KMT5B: variants seen among roughly 807,000 people sequenced by gnomAD.
KMT5B encodes lysine methyltransferase 5B, also known as histone-lysine N-methyltransferase KMT5B.
Under a neutral mutation model 83.2 loss-of-function variants are expected in KMT5B, and 10 were observed. The ratio of observed to expected loss-of-function variants is 0.12; its 90% CI spans 0.07 to 0.20. The LOEUF (loss-of-function observed/expected upper bound fraction) is 0.20. Among genes scored for constraint, KMT5B ranks in the 10% least tolerant of loss-of-function variants. The pLI, the probability that KMT5B is intolerant of heterozygous loss-of-function variation, is 1.00. For synonymous variants in KMT5B, 349 were observed against 388.8 expected (o/e 0.90, Z 1.20); for missense variants, 753 against 1,067.2 (o/e 0.71, Z 4.10).
intron 1 of KMT5B, among the ~76,000 whole-genome samples, chr11:68,194,703 C>T (rs1279649537): frequency 6.6e-6 from 1 of 152,178 alleles, no homozygotes; most frequent in East Asian, 1.9e-4. Flanking sequence ...CTTCAATTTC[C>T]TTGACCCCTA....
intron 1 of KMT5B, among the ~76,000 whole-genome samples, chr11:68,196,637 G>A (rs1340237409): frequency 6.6e-6 from 1 of 151,554 alleles, no homozygotes; most frequent in Non-Finnish European, 1.5e-5. Context: ...TGTGTAAGGG[G>A]GTGAGAGAAG....
chr11:68,170,324 A>G (rs1251940925), intron 9 of KMT5B, among the ~76,000 whole-genome samples: 1 of 152,198 alleles, frequency 6.6e-6, no homozygotes, highest in Non-Finnish European at 1.5e-5. Context: ...TGCCTGGCAC[A>G]GTGCAAGATG....
intron 1 of KMT5B, among the ~76,000 whole-genome samples, chr11:68,201,021 T>C (rs1859373384): frequency 6.6e-6 from 1 of 151,566 alleles, no homozygotes; most frequent in Non-Finnish European, 1.5e-5. Flanking sequence ...AGGTGGGGGG[T>C]GAGGGGACAA....
rs116927326 is a variant in KMT5B, at chr11:68,191,734, A to C, written c.-76-1582T>G. On this transcript the variant is annotated intron_variant, in intron 1 of 10. Coordinates refer to ENST00000304363, the MANE Select transcript of KMT5B (RefSeq NM_017635.5). ...AGAAAAAAAAACTTTATAAAGTAAAACAGTTACAAGCTAAGGTTAATTATT... is the reference window on the plus strand; with the variant it reads ...AGAAAAAAAAACTTTATAAAGTAAACCAGTTACAAGCTAAGGTTAATTATT... 1.7e-3 allele frequency among the ~76,000 whole-genome samples: 254 copies of C among 152,316 alleles called. 3 individuals are homozygous for C. The highest frequency in any genetic ancestry group is 2.7e-3 in the Non-Finnish European group (184 of 68,020).
intron 1 of KMT5B, among the ~76,000 whole-genome samples, chr11:68,201,905 C>A (rs1859483750): frequency 6.7e-6 from 1 of 149,908 alleles, no homozygotes; most frequent in Non-Finnish European, 1.5e-5. Flanking sequence ...CATGGTCAGA[C>A]CCCAGTCTCT....
chr11:68,189,761 A>G (rs1857838375), intron 2 of KMT5B, 156 bp downstream of exon 2: 1 of 606,598 alleles, frequency 1.6e-6, no homozygotes, highest in Non-Finnish European at 2.7e-6. Context: ...GAGAATAAAA[A>G]TTGACACAAC....
intron 3 of KMT5B, among the ~76,000 whole-genome samples, chr11:68,185,298 C>T (rs1591003947): frequency 6.6e-6 from 1 of 152,116 alleles, no homozygotes. Flanking sequence ...CTCCGCCTCC[C>T]GGGTTCAAGT....
chr11:68,201,561 C>CA lies in KMT5B; in HGVS notation c.-76-11410_-76-11409insT, dbSNP rs138969350. ...ACACAGGCATTTTTTGCTTAATATC[C>CA]TAAAAACAAACTAAGATTAAAAAAA... On this transcript the variant is annotated intron_variant, in intron 1 of 10. Transcript: ENST00000304363. Among the ~76,000 whole-genome samples the CA allele has an allele frequency of 7.4e-3, 1,126 of 151,736 alleles. 5 individuals carry two copies. The highest frequency in any genetic ancestry group is 0.013 in the Non-Finnish European group (867 of 67,910).
chr11:68,205,001 A>G (rs1859909722), intron 1 of KMT5B, among the ~76,000 whole-genome samples: 1 of 152,210 alleles, frequency 6.6e-6, no homozygotes, highest in Non-Finnish European at 1.5e-5. Flanking sequence ...AAACCAAAGT[A>G]GAAACGCTTT....
In KMT5B at chr11:68,179,407, AT is replaced by A. The variant is rs1394800603; in HGVS notation, c.377+724del. ...CTGGTATAAGAAAAATAAAAATGTC[AT>A]TTACAATTGATTATTATTAAAGGGG... On this transcript the variant is annotated intron_variant, in intron 4 of 10. Transcript: ENST00000304363. 7 of 1,256,944 alleles carry A rather than the reference AT, an allele frequency of 5.6e-6. No homozygotes were observed. In the East Asian group the frequency reaches 2.3e-4, roughly 41 times the overall value. The allele number at this position is 1,256,944 out of a possible 1,614,324, so 77.9% of individuals were successfully genotyped here.
chr11:68,173,951 G>T (rs777309354), intron 5 of KMT5B, 38 bp from the exon 6 acceptor site: 4 of 1,329,618 alleles, frequency 3.0e-6, no homozygotes, highest in Non-Finnish European at 3.2e-6. Context: ...GACTTTAAAT[G>T]GTATACCCTG....
chr11:68,163,349 G>T (rs1166369485), intron 10 of KMT5B, among the ~76,000 whole-genome samples: 1 of 152,246 alleles, frequency 6.6e-6, no homozygotes, highest in Admixed American at 6.5e-5. Context: ...TCCAGCTGGT[G>T]AATGGCAGAG....
chr11:68,174,920 T>C, intron 5 of KMT5B, 98 bp downstream of exon 5: 1 of 1,122,132 alleles, frequency 8.9e-7, no homozygotes, highest in South Asian at 1.6e-5. Context: ...TTATGAAAAA[T>C]AAATTTAAAA....
chr11:68,188,435 C>T (rs1857671803), intron 2 of KMT5B, among the ~76,000 whole-genome samples: 1 of 148,920 alleles, frequency 6.7e-6, no homozygotes, highest in Admixed American at 6.7e-5. Flanking sequence ...ACCTCTAACT[C>T]CTGGGCTCAA....
intron 6 of KMT5B, among the ~76,000 whole-genome samples, chr11:68,172,396 A>AT (rs34325630): frequency 0.1 from 14,637 of 142,554 alleles, 967 homozygotes; most frequent in East Asian, 0.23. Context: ...CACCTAGCTC[A>AT]TTTTTTTTTT....
chr11:68,196,942 T>C (rs1484916748), intron 1 of KMT5B, among the ~76,000 whole-genome samples: 2 of 152,010 alleles, frequency 1.3e-5, no homozygotes, highest in African/African-American at 2.4e-5. Flanking sequence ...ATAAAATATA[T>C]GGAATAGAAA....
At position 68,171,471 on chromosome 11, in the gene KMT5B, G is replaced by A. The variant is rs1260620263; in HGVS notation, c.820+72C>T. The A allele has an allele frequency of 1.5e-5, 22 of 1,493,700 alleles. No individual in the cohort carries two copies. Among genetic ancestry groups the A allele is most frequent in the Non-Finnish European group, 1.8e-5 (20 of 1,094,550 alleles). 92.5% of individuals were successfully genotyped at this position (1,493,700 alleles called of 1,614,324 possible). On this transcript the variant is annotated intron_variant, in intron 7 of 10. Coordinates refer to ENST00000304363, the MANE Select transcript of KMT5B (RefSeq NM_017635.5). This position sits in a 1 kb window ranked among gnomAD's most constrained non-coding sequence, Gnocchi z 5.1. ...AAAGGAAGATAAAGGTTTGACTGAG[G>A]TTGACAAGGCCATTCTAGCAGTTAG...
At chr11:68,196,681 A>AGCT (rs1419723247) in intron 1 of KMT5B, among the ~76,000 whole-genome samples, 1 of 151,898 alleles carries the variant, frequency 6.6e-6, no homozygotes, top group Non-Finnish European at 1.5e-5. Flanking sequence ...CAGGAATCAC[A>AGCT]GCTGCTACCA....
chr11:68,161,212 GA>G (rs1428542981), intron 10 of KMT5B, among the ~76,000 whole-genome samples: 1 of 151,948 alleles, frequency 6.6e-6, no homozygotes, highest in Non-Finnish European at 1.5e-5. Flanking sequence ...TTTTTAATAA[GA>G]AATTTAGAAA....
Sources: allele counts gnomAD v4.1 joint callset (sites outside exome capture counted in the v4.1 genomes callset), GRCh38; gene constraint gnomAD v4.1.1; non-coding constraint Gnocchi (gnomAD v3.1); transcripts MANE v1.5; gene names NCBI Gene and HGNC (gene_info 2026-07-23, HGNC 2026-07-21).